The following CABP4 variants were observed in gnomAD, a reference collection of about 807,000 sequenced individuals.
CABP4 encodes the protein calcium-binding protein 4.
Under a neutral mutation model 30.7 loss-of-function variants are expected in CABP4, and 30 were observed. The ratio of observed to expected loss-of-function variants is 0.98; its 90% CI spans 0.73 to 1.33. CABP4 has a LOEUF of 1.33. CABP4 is among the 40% of genes most tolerant of loss of function. The probability of loss-of-function intolerance (pLI) is 0.00; values close to 1 mark genes in which losing one functional copy is unlikely to be tolerated. For missense variants in CABP4, 424 were observed against 395.5 expected (o/e 1.07, Z -0.61); for synonymous variants, 161 against 159.2 (o/e 1.01, Z -0.08).
At chr11:67,452,433 G>A, upstream of CABP4, 3 of 1,612,644 alleles carry the variant, frequency 1.9e-6, no homozygotes, top group Non-Finnish European at 2.5e-6. Flanking sequence ...GTCCCCAGCG[G>A]CCAGTGTCCC....
In CABP4 at chr11:67,460,516, TACAC is replaced by T. The variant is rs35146220; in HGVS notation, c.*1881_*1884del. ...AAAAAAATAAAGTATATTTTATATA[TACAC>T]ACACACACACACACACACACACAGC... On this transcript the variant is annotated 3_prime_UTR_variant, in exon 6 of 6. Coordinates refer to ENST00000325656, the MANE Select transcript of CABP4 (RefSeq NM_145200.5). 6.6e-4 allele frequency among the ~76,000 whole-genome samples: 98 copies of T among 149,488 alleles called. No homozygotes were observed. Among genetic ancestry groups the T allele is most frequent in the Middle Eastern group, 3.4e-3 (1 of 294 alleles).
At position 67,459,506 on chromosome 11, in the gene CABP4, A is replaced by C. The variant is rs1864945216; in HGVS notation, c.*847A>C. The C allele has an allele frequency of 6.6e-6, 1 of 152,316 alleles. No homozygotes were observed. Among genetic ancestry groups the C allele is most frequent in the African/African-American group, 2.4e-5 (1 of 41,460 alleles). 9.4% of individuals were successfully genotyped at this position (152,316 alleles called of 1,614,324 possible). On this transcript the variant is annotated 3_prime_UTR_variant, in exon 6 of 6. Transcript: ENST00000325656. The stretch of plus-strand genomic sequence containing the variant: ...ACCAGTCATAGAAAGTGGCAAGGAT[A>C]CAGATGTTCAGGGCCCAGAGTGGAA...
Position 67,455,511 on chromosome 11 carries a change from A to G in CABP4, c.88A>G (p.Ser30Gly). 2 of 1,605,246 alleles carry G rather than the reference A, an allele frequency of 1.2e-6. No homozygotes were observed. The highest frequency in any genetic ancestry group is 1.7e-6 in the Non-Finnish European group (2 of 1,176,910). ...CCCTGCGGGGGTTGTGACTCCCAAG[A>G]GTGATGCAGAGGAGCCCCCGTTGAC... ...KPPAGVVTPKSDAEEPPLTRK... is the reference protein window; with the variant it reads ...KPPAGVVTPKGDAEEPPLTRK... Residue 30 changes from serine (S) to glycine (G), a missense_variant, in exon 1 of 6, where the codon AGT (serine) becomes GGT (glycine). Transcript: ENST00000325656.
chr11:67,458,405 CG>C lies in CABP4; in HGVS notation c.688del (p.Glu230SerfsTer34). On this transcript the variant is annotated frameshift_variant, in exon 5 of 6. Transcript: ENST00000325656. LOFTEE classifies it high-confidence loss of function. The part of the protein sequence containing the change: ...DRDRDGRITV[A>X]ELREAVPALL... ...GACAGGGATGGACGAATTACGGTGGCGGAGCTGCGGGAGGCGGTACCGGCTC... is the reference window on the plus strand; with the variant it reads ...GACAGGGATGGACGAATTACGGTGGCGAGCTGCGGGAGGCGGTACCGGCTC... The C allele has an allele frequency of 6.2e-7, 1 of 1,613,230 alleles. No individual in the cohort carries two copies. The highest frequency in any genetic ancestry group is 8.5e-7 in the Non-Finnish European group (1 of 1,179,428).
At chr11:67,455,103 C>T (rs1474842723), upstream of CABP4, among the ~76,000 whole-genome samples, 3 of 152,200 alleles carry the variant, frequency 2.0e-5, no homozygotes, top group African/African-American at 7.2e-5. Flanking sequence ...GAAACTGAGG[C>T]TGGGAGGGGA....
At position 67,455,760 on chromosome 11, in the gene CABP4, G is replaced by C. The variant is rs984831382; in HGVS notation, c.337G>C (p.Gly113Arg). The change falls in exon 1 of 6, where the codon GGG (glycine) becomes CGG (arginine). Residue 113 changes from glycine to arginine, a missense_variant. Physicochemically the swap from Gly to Arg is moderately radical, Grantham distance 125 (BLOSUM62 -2). Transcript: ENST00000325656. ...GCACGACGCTGCTCAGAGGACATAC[G>C]GGCCCCTGCTCAATCGAGTCTTCGG... ...SLHDAAQRTY[G>R]PLLNRVFGKD... is the part of the protein sequence containing the mutation. 3.8e-6 allele frequency: 6 copies of C among 1,590,326 alleles called. No homozygotes were observed. The highest frequency in any genetic ancestry group is 1.8e-5 in the Admixed American group (1 of 56,234).
In CABP4 at chr11:67,460,516, T is replaced by TATACAC. The variant is rs1554998700; in HGVS notation, c.*1858_*1859insTACACA. ...AAAAAAATAAAGTATATTTTATATA[T>TATACAC]ACACACACACACACACACACACACA... On this transcript the variant is annotated 3_prime_UTR_variant, in exon 6 of 6. Coordinates refer to ENST00000325656, the MANE Select transcript of CABP4 (RefSeq NM_145200.5). 6.1e-3 allele frequency among the ~76,000 whole-genome samples: 919 copies of TATACAC among 149,482 alleles called. No individual in the cohort carries two copies. Among genetic ancestry groups the TATACAC allele is most frequent in the Non-Finnish European group, 7.9e-3 (532 of 67,204 alleles).
intron 1 of CABP4, 23 bp downstream of exon 1, chr11:67,455,812 C>A (rs1342103107): frequency 6.4e-7 from 1 of 1,551,818 alleles, no homozygotes; most frequent in Non-Finnish European, 8.7e-7. Flanking sequence ...CTGGATTGGG[C>A]TGGGGGTCCT....
upstream of CABP4, among the ~76,000 whole-genome samples, chr11:67,453,839 G>A (rs1305623055): frequency 6.6e-6 from 1 of 152,124 alleles, no homozygotes; most frequent in African/African-American, 2.4e-5. Context: ...GGGTTCGAGT[G>A]TTTAGGATTC....
chr11:67,455,340 G>C (rs971801832), upstream of CABP4: 31 of 1,506,916 alleles, frequency 2.1e-5, no homozygotes, highest in Admixed American at 4.4e-5. Context: ...CTCTAAGAGT[G>C]GGGGTGCATA....
upstream of CABP4, chr11:67,455,306 C>CA: frequency 7.2e-7 from 1 of 1,395,104 alleles, no homozygotes; most frequent in African/African-American, 1.4e-5. Context: ...TAATCCCCCT[C>CA]AGAGCCCGAT....
At position 67,460,514 on chromosome 11, in the gene CABP4, T is replaced by TACACACAC. The variant is rs533020503; in HGVS notation, c.*1856_*1857insCACACACA. Among the ~76,000 whole-genome samples, 288 of 118,718 alleles carry TACACACAC rather than the reference T, an allele frequency of 2.4e-3. 1 individual carries two copies. The highest frequency in any genetic ancestry group is 0.015 in the East Asian group (72 of 4,802). The allele number at this position is 118,718 out of a possible 152,430, so 77.9% of individuals were successfully genotyped here. On this transcript the variant is annotated 3_prime_UTR_variant, in exon 6 of 6. Transcript: ENST00000325656. ...TTAAAAAAATAAAGTATATTTTATATATACACACACACACACACACACACA... is the reference window on the plus strand; with the variant it reads ...TTAAAAAAATAAAGTATATTTTATATACACACACATACACACACACACACACACACACA...
Position 67,456,217 on chromosome 11 carries a change from C to G in CABP4, c.396C>G (p.Asp132Glu), listed in dbSNP as rs149589649. The stretch of plus-strand genomic sequence containing the variant: ...GCGAACTGGGCCCCGAGGAGCTAGA[C>G]GGTGAGTGGCTCTTGCTGCTGGCAG... ...KDRELGPEEL[D>E]ELQAAFEEFD... The change falls in exon 2 of 6, where the codon GAC (aspartate) becomes GAG (glutamate). Residue 132 changes from aspartate (D) to glutamate (E), a missense_variant and splice_region_variant. Coordinates refer to ENST00000325656, the MANE Select transcript of CABP4 (RefSeq NM_145200.5). 1.2e-5 allele frequency: 20 copies of G among 1,613,504 alleles called. No individual in the cohort carries two copies. Among genetic ancestry groups the G allele is most frequent in the Non-Finnish European group, 1.5e-5 (18 of 1,179,966 alleles).
intron 1 of CABP4, 73 bp downstream of exon 1, chr11:67,455,862 C>A: frequency 5.3e-6 from 8 of 1,510,778 alleles, no homozygotes; most frequent in Middle Eastern, 3.6e-4. Flanking sequence ...GCTCAGCTCA[C>A]CCTGCCCCTG....
upstream of CABP4, chr11:67,453,334 G>A (rs1185657186): frequency 6.6e-5 from 10 of 152,312 alleles, no homozygotes; most frequent in African/African-American, 2.4e-4. Flanking sequence ...CAATGGGTCC[G>A]GATAGACTAA....
At position 67,459,202 on chromosome 11, in the gene CABP4, C is replaced by T. The variant is rs1565164398; in HGVS notation, c.*543C>T. The T allele has an allele frequency of 1.3e-5, 2 of 153,016 alleles. No individual in the cohort carries two copies. The highest frequency in any genetic ancestry group is 4.9e-5 in the African/African-American group (2 of 41,160). The allele number at this position is 153,016 out of a possible 1,614,324, so 9.5% of individuals were successfully genotyped here. A position where few individuals can be genotyped will look rare whatever the true frequency, so the allele number is the denominator to read the frequency against. On this transcript the variant is annotated 3_prime_UTR_variant, in exon 6 of 6. Coordinates refer to ENST00000325656, the MANE Select transcript of CABP4 (RefSeq NM_145200.5). ...CTCCACAAAAAGGAAAAATAAAAGA[C>T]AAAAAAACAAACAAAAAACCAAAAA...
chr11:67,455,261 G>A (rs1864720099), upstream of CABP4: 1 of 959,886 alleles, frequency 1.0e-6, no homozygotes, highest in Non-Finnish European at 1.5e-6. Context: ...GCAGAGGACT[G>A]GGATTAGGGC....
Position 67,458,399 on chromosome 11 carries a change from C to A in CABP4, c.680C>A (p.Thr227Lys). 2 of 1,612,984 alleles carry A rather than the reference C, an allele frequency of 1.2e-6. No individual in the cohort carries two copies. Among genetic ancestry groups the A allele is most frequent in the Non-Finnish European group, 1.7e-6 (2 of 1,179,280 alleles). The change falls in exon 5 of 6, where the codon ACG becomes AAG. Residue 227 changes from threonine (T) to lysine (K), a missense_variant. Transcript: ENST00000325656. ...GACAGGGACAGGGATGGACGAATTA[C>A]GGTGGCGGAGCTGCGGGAGGCGGTA... Reference protein sequence around the residue: ...EFDRDRDGRITVAELREAVPA... With the variant: ...EFDRDRDGRIKVAELREAVPA...
At position 67,458,529 on chromosome 11, in the gene CABP4, T is replaced by C; in HGVS notation, c.799+11T>C. Reference sequence around the variant, plus strand: ...CCGTAGACTTTGACGGTGAGTCTCCTTCCCGGAAAACCCTCCCGTGCTTCC... The same window carrying C: ...CCGTAGACTTTGACGGTGAGTCTCCCTCCCGGAAAACCCTCCCGTGCTTCC... On this transcript the variant is annotated intron_variant, in intron 5 of 5. Coordinates refer to ENST00000325656, the MANE Select transcript of CABP4 (RefSeq NM_145200.5). 6.2e-7 allele frequency: 1 copy of C among 1,614,068 alleles called. No individual in the cohort carries two copies. The highest frequency in any genetic ancestry group is 1.1e-5 in the South Asian group (1 of 91,072).
Sources: allele counts gnomAD v4.1 joint callset (sites outside exome capture counted in the v4.1 genomes callset), GRCh38; gene constraint gnomAD v4.1.1; transcripts MANE v1.5; gene names NCBI Gene and HGNC (gene_info 2026-07-23, HGNC 2026-07-21).